ZNF396: variants seen among roughly 807,000 people sequenced by gnomAD.
ZNF396 encodes zinc finger protein 396.
A neutral mutation model predicts 20.5 loss-of-function variants in ZNF396; 14 were observed. The observed-to-expected ratio is 0.68, with a 90% CI of 0.45 to 1.07. The LOEUF (loss-of-function observed/expected upper bound fraction) is 1.07, where lower values mean the gene tolerates loss of function less well. ZNF396 is among the 50% of genes least tolerant of loss of function. The pLI, the probability that ZNF396 is intolerant of heterozygous loss-of-function variation, is 0.00. For missense variants in ZNF396, 347 were observed against 390.1 expected, an observed-to-expected ratio of 0.89 and a Z score of 0.93; for synonymous variants, 119 against 140.6, an observed-to-expected ratio of 0.85 and a Z score of 1.08.
intron 3 of ZNF396, among the ~76,000 whole-genome samples, chr18:35,369,868 T>C (rs939537862): frequency 6.6e-6 from 1 of 152,054 alleles, no homozygotes; most frequent in African/African-American, 2.4e-5. Flanking sequence ...CAAAGTTCTA[T>C]GGAAAAGACA....
rs1238545537 is a variant in ZNF396 at position 35,373,483 on chromosome 18, A to G, written c.535T>C (p.Trp179Arg). ...TGTGGTCTTAAGGACTGAAGCTCCC[A>G]TGATGCTCCCTGGAGCTGCTTCTTC... Reference protein sequence around the residue: ...PVKKQLQGASWELQSLRPHDE... With the variant: ...PVKKQLQGASRELQSLRPHDE... The change falls in exon 3 of 4, where the codon TGG becomes CGG. Residue 179 changes from tryptophan to arginine, a missense_variant. Transcript: ENST00000589332. The G allele has an allele frequency of 7.4e-6, 12 of 1,614,096 alleles. No homozygotes were observed. The highest frequency in any genetic ancestry group is 1.0e-5 in the Non-Finnish European group (12 of 1,180,014).
chr18:35,372,237 T>TCAC (rs2045192784), intron 3 of ZNF396: 1 of 152,096 alleles, frequency 6.6e-6, no homozygotes, highest in African/African-American at 2.4e-5. Context: ...ACTTCTGTAG[T>TCAC]CACCACCACA....
intron 3 of ZNF396, among the ~76,000 whole-genome samples, chr18:35,370,785 T>C (rs1180080398): frequency 2.0e-5 from 3 of 151,996 alleles, no homozygotes; most frequent in African/African-American, 7.3e-5. Flanking sequence ...AGTGCTGGGA[T>C]TACAGGCGTG....
intron 3 of ZNF396, among the ~76,000 whole-genome samples, chr18:35,370,765 G>A (rs1365624390): frequency 6.6e-6 from 1 of 151,682 alleles, no homozygotes; most frequent in Non-Finnish European, 1.5e-5. Context: ...CGCCCGCCTC[G>A]GCCTCCCAAA....
chr18:35,374,914 A>G lies in ZNF396; in HGVS notation c.-72-550T>C, dbSNP rs2045236582. The G allele has an allele frequency of 6.6e-6, 1 of 152,358 alleles. No individual in the cohort carries two copies. The highest frequency in any genetic ancestry group is 1.5e-5 in the Non-Finnish European group (1 of 68,158). 9.4% of individuals were successfully genotyped at this position (152,358 alleles called of 1,614,324 possible). A position where few individuals can be genotyped will look rare whatever the true frequency, so the allele number is the denominator to read the frequency against. ...GAAAACCATGCCCACAAGGCTACTG[A>G]ATATTACAATAAGAGATCAGCCAGG... On this transcript the variant is annotated intron_variant, in intron 1 of 3. Transcript: ENST00000589332. The surrounding 1 kb of genome is among the most constrained non-coding windows in gnomAD (Gnocchi z 4.3).
In ZNF396 at chr18:35,373,696, A is replaced by C. The variant is rs546136473; in HGVS notation, c.418-96T>G. 26 of 1,531,842 alleles carry C rather than the reference A, an allele frequency of 1.7e-5. No homozygotes were observed. In the African/African-American group the frequency reaches 3.6e-4, roughly 21 times the overall value. 94.9% of individuals were successfully genotyped at this position (1,531,842 alleles called of 1,614,324 possible). On this transcript the variant is annotated intron_variant, in intron 2 of 3. Transcript: ENST00000589332. ...AAACTATGCAAAAAGTATCATGGAC[A>C]CAGGAAAAGGGAGGGAAAAAGTAGA...
rs1262373218 is a variant in ZNF396, at chr18:35,371,753, C to T, written c.562+1703G>A. On this transcript the variant is annotated intron_variant, in intron 3 of 3. Transcript: ENST00000589332. ...AAGGCCTCACTTCTCAATACTGCCACACTTGGGATTAAGTTTCAACACAAG... is the reference window on the plus strand; with the variant it reads ...AAGGCCTCACTTCTCAATACTGCCATACTTGGGATTAAGTTTCAACACAAG... The T allele has an allele frequency of 2.0e-5, 3 of 152,210 alleles. No individual in the cohort carries two copies. In the East Asian group the frequency reaches 5.8e-4, roughly 29 times the overall value. The allele number at this position is 152,210 out of a possible 1,614,324, so 9.4% of individuals were successfully genotyped here.
At position 35,373,494 on chromosome 18, in the gene ZNF396, T is replaced by C; in HGVS notation, c.524A>G (p.Gln175Arg). 2 of 1,614,174 alleles carry C rather than the reference T, an allele frequency of 1.2e-6. No homozygotes were observed. Among genetic ancestry groups the C allele is most frequent in the Non-Finnish European group, 1.7e-6 (2 of 1,180,032 alleles). The change falls in exon 3 of 4, where the codon CAG becomes CGG. Residue 175 changes from glutamine (Q) to arginine (R), a missense_variant. Physicochemically the swap from Gln to Arg is conservative, Grantham distance 43. Transcript: ENST00000589332. ...GGACTGAAGCTCCCATGATGCTCCCTGGAGCTGCTTCTTCACGGGCATGAG... is the reference window on the plus strand; with the variant it reads ...GGACTGAAGCTCCCATGATGCTCCCCGGAGCTGCTTCTTCACGGGCATGAG... ...SQLMPVKKQL[Q>R]GASWELQSLR...
chr18:35,376,200 G>C (rs962226630), intron 1 of ZNF396: 3 of 152,032 alleles, frequency 2.0e-5, no homozygotes, highest in Non-Finnish European at 4.4e-5. Flanking sequence ...TATTGTTCTA[G>C]GCCCTGTATA....
rs892848747 is a variant in ZNF396, at chr18:35,369,136, TA to T, written c.*78del. The T allele has an allele frequency of 1.2e-5, 17 of 1,463,296 alleles. No homozygotes were observed. The Admixed American group carries it at 4.2e-4, about 36-fold the overall frequency. 90.6% of individuals were successfully genotyped at this position (1,463,296 alleles called of 1,614,324 possible). On this transcript the variant is annotated 3_prime_UTR_variant, in exon 4 of 4. Transcript: ENST00000589332. ...GGTGCTTACTAAGACCACTGATTTG[TA>T]CTAAGGAGCGTTTGCATCTGGTGTC... is the stretch of plus-strand genomic sequence containing the variant.
At chr18:35,371,444 T>C (rs1199314370) in intron 3 of ZNF396, among the ~76,000 whole-genome samples, 1 of 152,240 alleles carries the variant, frequency 6.6e-6, no homozygotes, top group African/African-American at 2.4e-5. Context: ...GAGTAATTTA[T>C]TTATAAAAAG....
In ZNF396 at chr18:35,368,081, T is replaced by A. The variant is rs563806626; in HGVS notation, c.*1134A>T. On this transcript the variant is annotated 3_prime_UTR_variant, in exon 4 of 4. Transcript: ENST00000589332. ...TGTACTTGACAACACTTGTGGTACA[T>A]CAGTCTTGTTTGACAATTTTGTTCA... The A allele has an allele frequency of 4.8e-6, 1 of 206,582 alleles. No homozygotes were observed. Among genetic ancestry groups the A allele is most frequent in the Non-Finnish European group, 9.6e-6 (1 of 103,860 alleles). The allele number at this position is 206,582 out of a possible 1,614,324, so 12.8% of individuals were successfully genotyped here.
Position 35,368,480 on chromosome 18 carries a change from A to ATTTT in ZNF396, c.*731_*734dup, listed in dbSNP as rs374405615. On this transcript the variant is annotated 3_prime_UTR_variant, in exon 4 of 4. Transcript: ENST00000589332. The stretch of plus-strand genomic sequence containing the variant: ...GAAGACAAAATAGGAATTTATTTTT[A>ATTTT]TTTTTATTTATTTATTTATTTATTT... The ATTTT allele has an allele frequency of 8.9e-5, 34 of 381,468 alleles. No homozygotes were observed. Among genetic ancestry groups the ATTTT allele is most frequent in the South Asian group, 1.8e-4 (3 of 16,560 alleles). 23.6% of individuals were successfully genotyped at this position (381,468 alleles called of 1,614,324 possible).
At chr18:35,371,291 CT>C (rs1406950035) in intron 3 of ZNF396, among the ~76,000 whole-genome samples, 1 of 152,040 alleles carries the variant, frequency 6.6e-6, no homozygotes, top group Admixed American at 6.5e-5. Context: ...CTAAATAAAC[CT>C]AACTTGAAAA....
rs1220895201 is a variant in ZNF396 at position 35,366,754 on chromosome 18, T to A, written c.*2461A>T. On this transcript the variant is annotated 3_prime_UTR_variant, in exon 4 of 4. Transcript: ENST00000589332. ...ATATAATGGGGGTGCTAATGCTAAT[T>A]TTTAAAACCAAGGTTAGCTCAATGA... 6.6e-6 allele frequency: 1 copy of A among 152,192 alleles called. No homozygotes were observed. The highest frequency in any genetic ancestry group is 2.4e-5 in the African/African-American group (1 of 41,442). 9.4% of individuals were successfully genotyped at this position (152,192 alleles called of 1,614,324 possible).
At position 35,374,250 on chromosome 18, in the gene ZNF396, T is replaced by G; in HGVS notation, c.43A>C (p.Thr15Pro). The change falls in exon 2 of 4, where the codon ACT becomes CCT. Residue 15 changes from threonine to proline, a missense_variant. Coordinates refer to ENST00000589332, the MANE Select transcript of ZNF396 (RefSeq NM_001322286.2). The surrounding 1 kb of genome is among the most constrained non-coding windows in gnomAD (Gnocchi z 4.3). ...LGKSSSLLTQ[T>P]SEECNGILTE... ...AGAATCCCATTACACTCCTCTGAAG[T>G]TTGTGTTAGGAGTGATGATGACTTT... is the stretch of plus-strand genomic sequence containing the variant. The G allele has an allele frequency of 1.2e-6, 2 of 1,614,136 alleles. No homozygotes were observed. The highest frequency in any genetic ancestry group is 1.7e-6 in the Non-Finnish European group (2 of 1,180,016).
intron 3 of ZNF396, chr18:35,373,165 GA>G (rs1274420228): frequency 1.0e-4 from 40 of 396,870 alleles, no homozygotes; most frequent in Non-Finnish European, 3.6e-5. Flanking sequence ...GGGTCCCACA[GA>G]AAGGCCTCAA....
Position 35,369,642 on chromosome 18 carries a change from G to A in ZNF396, c.581C>T (p.Thr194Ile). 1 of 1,600,538 alleles carries A rather than the reference G, an allele frequency of 6.2e-7. No homozygotes were observed. Among genetic ancestry groups the A allele is most frequent in the South Asian group, 1.1e-5 (1 of 87,888 alleles). ...TTGCCTTGAAGCAGATTTCACATTT[G>A]TAGTTTTGATGTCTTCATCTGAAAT... ...LRPHDEDIKT[T>I]NVKSASRQKT... The change falls in exon 4 of 4, where the codon ACA becomes ATA. Residue 194 changes from threonine (T) to isoleucine (I), a missense_variant. Transcript: ENST00000589332.
At chr18:35,369,772 G>A (rs1332071816) in intron 3 of ZNF396, 112 bp from the exon 4 acceptor site, 1 of 1,120,756 alleles carries the variant, frequency 8.9e-7, no homozygotes, top group Non-Finnish European at 1.2e-6. Flanking sequence ...AGGACGGAGA[G>A]TGTAAGACAA....
Sources: allele counts gnomAD v4.1 joint callset (sites outside exome capture counted in the v4.1 genomes callset), GRCh38; gene constraint gnomAD v4.1.1; non-coding constraint Gnocchi (gnomAD v3.1); transcripts MANE v1.5; gene names NCBI Gene and HGNC (gene_info 2026-07-23, HGNC 2026-07-21).